Variants in UBTD1 observed in about 807,000 individuals in gnomAD.
The protein encoded by UBTD1 is ubiquitin domain-containing protein 1.
In UBTD1, 19 loss-of-function variants were observed where a neutral mutation model predicts 21.7. That is an observed-to-expected ratio of 0.87 (90% CI 0.61 to 1.28). The LOEUF (loss-of-function observed/expected upper bound fraction) is 1.28, where lower values mean the gene tolerates loss of function less well. Among genes scored for constraint, UBTD1 ranks in the 50% most tolerant of loss-of-function variants. UBTD1 has a pLI of 0.00. For missense variants in UBTD1, 282 were observed against 315.1 expected, an observed-to-expected ratio of 0.89 and a Z score of 0.80; for synonymous variants, 116 against 135.1, an observed-to-expected ratio of 0.86 and a Z score of 0.98.
chr10:97,507,774 C>CAAAAAAA (rs61128714), intron 1 of UBTD1, among the ~76,000 whole-genome samples: 2 of 59,544 alleles, frequency 3.4e-5, no homozygotes, highest in Non-Finnish European at 6.3e-5. Flanking sequence ...GACTCCGTCT[C>CAAAAAAA]AAAAAAAAAA....
intron 1 of UBTD1, among the ~76,000 whole-genome samples, chr10:97,516,770 C>CAA (rs879561571): frequency 7.1e-6 from 1 of 140,268 alleles, no homozygotes. Context: ...GACTCTGTCT[C>CAA]AAAAAAAAAA....
chr10:97,535,121 C>G (rs1293058420), intron 1 of UBTD1, among the ~76,000 whole-genome samples: 2 of 152,148 alleles, frequency 1.3e-5, no homozygotes, highest in African/African-American at 4.8e-5. Flanking sequence ...CTGGCCATAT[C>G]TCTCACCTCC....
At chr10:97,540,591 AG>A (rs1363090719) in intron 1 of UBTD1, among the ~76,000 whole-genome samples, 2 of 152,244 alleles carry the variant, frequency 1.3e-5, no homozygotes, top group Non-Finnish European at 2.9e-5. Context: ...TGTAAGGTAT[AG>A]TTATTAGCCC....
chr10:97,512,534 C>T (rs1363586447), intron 1 of UBTD1, among the ~76,000 whole-genome samples: 1 of 152,184 alleles, frequency 6.6e-6, no homozygotes, highest in African/African-American at 2.4e-5. Flanking sequence ...TCTTAGAAAC[C>T]CACATGCTGT....
At chr10:97,511,783 AT>A (rs2135658456) in intron 1 of UBTD1, among the ~76,000 whole-genome samples, 1 of 152,276 alleles carries the variant, frequency 6.6e-6, no homozygotes, top group South Asian at 2.1e-4. Context: ...AATCAGTATA[AT>A]TTATTAATCT....
intron 1 of UBTD1, among the ~76,000 whole-genome samples, chr10:97,550,076 C>T (rs142943091): frequency 6.6e-6 from 1 of 152,314 alleles, no homozygotes; most frequent in East Asian, 1.9e-4. Flanking sequence ...TGTATCCTGG[C>T]CAGAGGGCCC....
At chr10:97,522,741 G>C (rs2040471524) in intron 1 of UBTD1, among the ~76,000 whole-genome samples, 1 of 152,162 alleles carries the variant, frequency 6.6e-6, no homozygotes. Flanking sequence ...TACCTGGCTG[G>C]TGGGTGAAGG....
chr10:97,551,256 C>T (rs2040636046), intron 1 of UBTD1, among the ~76,000 whole-genome samples: 1 of 152,104 alleles, frequency 6.6e-6, no homozygotes, highest in South Asian at 2.1e-4. Flanking sequence ...CAAATGTTGG[C>T]CAGGCATGGT....
At chr10:97,535,968 A>AATT (rs760908517) in intron 1 of UBTD1, among the ~76,000 whole-genome samples, 5,619 of 90,094 alleles carry the variant, frequency 0.062, 146 homozygotes, top group African/African-American at 0.09. Flanking sequence ...GTTGGAGAGA[A>AATT]ATTATTATTA....
At chr10:97,530,677 A>T (rs946735422) in intron 1 of UBTD1, among the ~76,000 whole-genome samples, 1 of 152,220 alleles carries the variant, frequency 6.6e-6, no homozygotes, top group Non-Finnish European at 1.5e-5. Flanking sequence ...GTTTCAGATT[A>T]AAATAAAAAC....
intron 1 of UBTD1, among the ~76,000 whole-genome samples, chr10:97,502,917 ATATT>A (rs1564733950): frequency 7.6e-6 from 1 of 132,260 alleles, no homozygotes; most frequent in African/African-American, 2.9e-5. Context: ...ATGTATATAT[ATATT>A]TTTTTTTTTT....
At chr10:97,549,264 A>G (rs1273186265) in intron 1 of UBTD1, among the ~76,000 whole-genome samples, 1 of 150,522 alleles carries the variant, frequency 6.6e-6, no homozygotes, top group African/African-American at 2.5e-5. Flanking sequence ...ACCTCCACCC[A>G]CTCCCTTTCT....
chr10:97,517,743 C>T (rs1341726273), intron 1 of UBTD1, among the ~76,000 whole-genome samples: 1 of 152,146 alleles, frequency 6.6e-6, no homozygotes, highest in Non-Finnish European at 1.5e-5. Flanking sequence ...CAACCGTGTT[C>T]CCGGTCCCTG....
At chr10:97,523,524 C>T (rs996740901) in intron 1 of UBTD1, among the ~76,000 whole-genome samples, 6 of 152,078 alleles carry the variant, frequency 3.9e-5, no homozygotes, top group African/African-American at 1.4e-4. Context: ...CTGGTCTTTG[C>T]AGCCTGTCTG....
Position 97,567,927 on chromosome 10 carries a change from C to A in UBTD1, c.84C>A (p.Pro28=). The A allele has an allele frequency of 6.2e-7, 1 of 1,614,088 alleles. No individual in the cohort carries two copies. Among genetic ancestry groups the A allele is most frequent in the Non-Finnish European group, 8.5e-7 (1 of 1,180,032 alleles). Residue 28 remains proline (P), a synonymous_variant, in exon 2 of 3, where the codon CCC becomes CCA. Coordinates refer to ENST00000370664, the MANE Select transcript of UBTD1 (RefSeq NM_024954.5). The part of the protein sequence containing the change: ...HPRKRAGRNE[P]LKKERLKWKS... ...TGTCCTGCCCAGGACGCAATGAGCC[C>A]CTGAAGAAAGAGCGGCTTAAGTGGA...
intron 1 of UBTD1, among the ~76,000 whole-genome samples, chr10:97,544,761 C>T (rs546513755): frequency 5.3e-5 from 8 of 152,234 alleles, no homozygotes; most frequent in Admixed American, 2.6e-4. Flanking sequence ...GAGACTGAGG[C>T]GGGAGGATCA....
At position 97,570,645 on chromosome 10, in the gene UBTD1, C is replaced by T. The variant is rs113720998; in HGVS notation, c.*122C>T. ...CCCTCGGTGTGGCTGGTGGGTGAGC[C>T]GTGAAGGGACCCTGCCTTTCAGGGC... On this transcript the variant is annotated 3_prime_UTR_variant, in exon 3 of 3. Coordinates refer to ENST00000370664, the MANE Select transcript of UBTD1 (RefSeq NM_024954.5). This position sits in a 1 kb window ranked among gnomAD's most constrained non-coding sequence, Gnocchi z 6.6. 3.4e-3 allele frequency: 4,338 copies of T among 1,263,276 alleles called. 131 individuals carry two copies. The African/African-American group carries it at 0.059, about 17-fold the overall frequency. 78.3% of individuals were successfully genotyped at this position (1,263,276 alleles called of 1,614,324 possible).
intron 1 of UBTD1, among the ~76,000 whole-genome samples, chr10:97,503,716 A>C (rs1009084554): frequency 2.6e-5 from 4 of 152,186 alleles, no homozygotes; most frequent in South Asian, 2.1e-4. Flanking sequence ...CTGAGTGCCA[A>C]GCACCCTGCT....
chr10:97,569,674 T>C (rs118092471), intron 2 of UBTD1, among the ~76,000 whole-genome samples: 3,014 of 152,310 alleles, frequency 0.02, 45 homozygotes, highest in Non-Finnish European at 0.028. Context: ...ATCATGGTGC[T>C]GGCTGGTTCA....
Sources: gnomAD v4.1 joint callset for allele counts (sites outside exome capture counted in the v4.1 genomes callset) on GRCh38, gnomAD v4.1.1 for gene constraint, Gnocchi (gnomAD v3.1) non-coding constraint, MANE v1.5 for transcripts, NCBI Gene and HGNC (gene_info 2026-07-23, HGNC 2026-07-21) for gene names.